The following PTPRD variants were observed in gnomAD, a reference collection of about 807,000 sequenced individuals.
PTPRD encodes the protein protein tyrosine phosphatase receptor type D.
A neutral mutation model predicts 214.5 loss-of-function variants in PTPRD; 34 were observed. That is an observed-to-expected ratio of 0.16 (90% confidence interval 0.12 to 0.21). The LOEUF is 0.21. Among genes scored for constraint, PTPRD ranks in the 10% least tolerant of loss-of-function variants. PTPRD has a pLI of 1.00. For synonymous variants in PTPRD, 1,128 were observed against 845.7 expected, an observed-to-expected ratio of 1.33 and a Z score of -5.79; for missense variants, 2,545 against 2,398.7, an observed-to-expected ratio of 1.06 and a Z score of -1.27.
At chr9:10,605,135 T>C (rs542377556) in intron 2 of PTPRD, among the ~76,000 whole-genome samples, 60 of 151,888 alleles carry the variant, frequency 4.0e-4, no homozygotes, top group Non-Finnish European at 8.1e-4. Flanking sequence ...TCTTTGGTTA[T>C]TTGATCCAAA....
At chr9:8,471,189 G>A (rs922019695) in intron 30 of PTPRD, 104 bp from the exon 31 acceptor site, 3 of 841,034 alleles carry the variant, frequency 3.6e-6, no homozygotes, top group Admixed American at 1.8e-5. Flanking sequence ...GCAAATTATG[G>A]ATATGGGGTG....
At chr9:10,024,479 T>C (rs368076758) in intron 4 of PTPRD, among the ~76,000 whole-genome samples, 1 of 152,272 alleles carries the variant, frequency 6.6e-6, no homozygotes. Context: ...TGTGATACTT[T>C]AAGGAAAAAT....
intron 2 of PTPRD, among the ~76,000 whole-genome samples, chr9:10,376,595 C>T (rs779898190): frequency 3.3e-5 from 5 of 151,752 alleles, no homozygotes; most frequent in South Asian, 2.1e-4. Context: ...AATCATCCCC[C>T]TATCTCATAG....
Position 9,923,142 on chromosome 9 carries a change from G to GTGTGTA in PTPRD, c.-368+15364_-368+15365insTACACA, listed in dbSNP as rs1555340254. On this transcript the variant is annotated intron_variant, in intron 5 of 45. Coordinates refer to ENST00000381196, the MANE Select transcript of PTPRD (RefSeq NM_002839.4). ...GTGGGGGGTGTGTGTGTGTGTGTGTGTGTGTGTATGTACAGAAAAAGGAAG... is the reference window on the plus strand; with the variant it reads ...GTGGGGGGTGTGTGTGTGTGTGTGTGTGTGTATGTGTGTATGTACAGAAAAAGGAAG... Among the ~76,000 whole-genome samples, 172 of 151,384 alleles carry GTGTGTA rather than the reference G, an allele frequency of 1.1e-3. 1 individual carries two copies. Among genetic ancestry groups the GTGTGTA allele is most frequent in the African/African-American group, 3.7e-3 (154 of 41,262 alleles).
At chr9:9,855,758 C>T (rs1474153071) in intron 5 of PTPRD, among the ~76,000 whole-genome samples, 1 of 152,278 alleles carries the variant, frequency 6.6e-6, no homozygotes, top group African/African-American at 2.4e-5. Context: ...GAGGAGCAAA[C>T]TTTGTGCGGG....
chr9:8,813,055 T>C (rs1339615660), intron 11 of PTPRD, among the ~76,000 whole-genome samples: 1 of 152,146 alleles, frequency 6.6e-6, no homozygotes, highest in Non-Finnish European at 1.5e-5. Context: ...TGCATAGCTA[T>C]GAAATGGCAG....
chr9:10,496,459 C>A (rs1275502266), intron 2 of PTPRD, among the ~76,000 whole-genome samples: 1 of 151,886 alleles, frequency 6.6e-6, no homozygotes. Context: ...TTTGTTTTTG[C>A]ACTAAGAATA....
Position 10,050,407 on chromosome 9 carries a change from A to T in PTPRD, c.-544-16617T>A, listed in dbSNP as rs192848305. ...ACATCATCTTTACTAAAAATACAAA[A>T]AAACTAGCCAGGCGTGGTGGCGCGC... On this transcript the variant is annotated intron_variant, in intron 3 of 45. Coordinates refer to ENST00000381196, the MANE Select transcript of PTPRD (RefSeq NM_002839.4). Among the ~76,000 whole-genome samples the T allele has an allele frequency of 1.7e-3, 257 of 151,692 alleles. 1 individual carries two copies. Among genetic ancestry groups the T allele is most frequent in the Non-Finnish European group, 2.9e-3 (194 of 67,900 alleles).
chr9:8,477,463 G>A (rs192657008), intron 30 of PTPRD, among the ~76,000 whole-genome samples: 8 of 152,238 alleles, frequency 5.3e-5, no homozygotes, highest in Admixed American at 1.3e-4. Context: ...ATAATTATAT[G>A]AGAAGGCAAG....
chr9:8,974,143 A>G lies in PTPRD; in HGVS notation c.-104+44554T>C, dbSNP rs77037461. 0.011 allele frequency among the ~76,000 whole-genome samples: 1,678 copies of G among 152,072 alleles called. 81 individuals carry two copies. In the East Asian group the frequency reaches 0.12, roughly 11 times the overall value. On this transcript the variant is annotated intron_variant, in intron 11 of 45. Coordinates refer to ENST00000381196, the MANE Select transcript of PTPRD (RefSeq NM_002839.4). ...TGCCAAGGTCGATGTTGAGAAGGGT[A>G]TTTCCTAGGTTTTCCTTTAGGATTT...
chr9:9,503,364 G>A (rs2096482108), intron 8 of PTPRD, among the ~76,000 whole-genome samples: 1 of 151,444 alleles, frequency 6.6e-6, no homozygotes, highest in African/African-American at 2.4e-5. Flanking sequence ...GTTATGCTCT[G>A]ATAACAAAGT....
At position 10,277,834 on chromosome 9, in the gene PTPRD, C is replaced by A. The variant is rs139946487; in HGVS notation, c.-545+63129G>T. On this transcript the variant is annotated intron_variant, in intron 3 of 45. Coordinates refer to ENST00000381196, the MANE Select transcript of PTPRD (RefSeq NM_002839.4). ...TCTGAGGAGATTCTGGCAACTGGCC[C>A]ACAGGCTGAGTGCATTAGGGATACT... 4.6e-5 allele frequency among the ~76,000 whole-genome samples: 7 copies of A among 152,090 alleles called. No individual in the cohort carries two copies. The East Asian group carries it at 1.4e-3, about 30-fold the overall frequency.
At chr9:8,910,032 T>A (rs868701828) in intron 11 of PTPRD, among the ~76,000 whole-genome samples, 6 of 151,854 alleles carry the variant, frequency 4.0e-5, no homozygotes, top group East Asian at 3.9e-4. Context: ...TTTATTTATT[T>A]ATTATTTATT....
At chr9:9,211,629 A>G (rs971260480) in intron 9 of PTPRD, among the ~76,000 whole-genome samples, 2 of 152,156 alleles carry the variant, frequency 1.3e-5, no homozygotes, top group Admixed American at 6.6e-5. Context: ...AAAATATTTG[A>G]CATATACCAA....
chr9:8,485,603 A>G, intron 28 of PTPRD, 159 bp downstream of exon 28: 1 of 702,142 alleles, frequency 1.4e-6, no homozygotes, highest in Non-Finnish European at 2.3e-6. Flanking sequence ...CTGAAATCTA[A>G]GGCATCCAAG....
chr9:8,605,491 G>C (rs2095151595), intron 14 of PTPRD, among the ~76,000 whole-genome samples: 1 of 152,178 alleles, frequency 6.6e-6, no homozygotes, highest in South Asian at 2.1e-4. Flanking sequence ...AAAGAGAAGA[G>C]CTTCAGTGAA....
In PTPRD at chr9:8,315,074, G is replaced by C. The variant is rs1369137280; in HGVS notation, c.*2800C>G. 2.2e-5 allele frequency: 5 copies of C among 232,414 alleles called. No homozygotes were observed. In the East Asian group the frequency reaches 2.4e-4, roughly 11 times the overall value. 14.4% of individuals were successfully genotyped at this position (232,414 alleles called of 1,614,324 possible). On this transcript the variant is annotated 3_prime_UTR_variant, in exon 46 of 46. Transcript: ENST00000381196. Reference sequence around the variant, plus strand: ...TAAATAATAGCACCGTACTGGTTATGATGATGAAAATAACTGGAAACTTGA... The same window carrying C: ...TAAATAATAGCACCGTACTGGTTATCATGATGAAAATAACTGGAAACTTGA...
intron 12 of PTPRD, among the ~76,000 whole-genome samples, chr9:8,647,303 T>C (rs1302754096): frequency 2.0e-5 from 3 of 152,252 alleles, no homozygotes; most frequent in Non-Finnish European, 2.9e-5. Flanking sequence ...TATTATAAAT[T>C]AGAAAATGTA....
chr9:9,563,182 T>A (rs1477497043), intron 8 of PTPRD, among the ~76,000 whole-genome samples: 2 of 151,970 alleles, frequency 1.3e-5, no homozygotes, highest in African/African-American at 2.4e-5. Flanking sequence ...GGGCAAGGGG[T>A]GGTCAAGATA....
Sources: allele counts gnomAD v4.1 joint callset (sites outside exome capture counted in the v4.1 genomes callset), GRCh38; gene constraint gnomAD v4.1.1; transcripts MANE v1.5; gene names NCBI Gene and HGNC (gene_info 2026-07-23, HGNC 2026-07-21).